ZNF639: variants seen among roughly 807,000 people sequenced by gnomAD.
ZNF639 encodes the protein zinc finger amplified in esophageal squamous cell carcinomas 1.
A neutral mutation model predicts 39.8 loss-of-function variants in ZNF639; 20 were observed. That is an observed-to-expected ratio of 0.50 (90% CI 0.35 to 0.73). The LOEUF (loss-of-function observed/expected upper bound fraction) is 0.73, where lower values mean the gene tolerates loss of function less well. Ranked by LOEUF, ZNF639 falls within the 30% of genes least tolerant of loss-of-function variation. The pLI, the probability that ZNF639 is intolerant of heterozygous loss-of-function variation, is 0.00. For missense variants in ZNF639, 477 were observed against 566.2 expected, an observed-to-expected ratio of 0.84 and a Z score of 1.60; for synonymous variants, 176 against 189.8, an observed-to-expected ratio of 0.93 and a Z score of 0.60.
intron 4 of ZNF639, among the ~76,000 whole-genome samples, chr3:179,331,425 C>T (rs973357356): frequency 2.0e-5 from 3 of 152,308 alleles, no homozygotes; most frequent in South Asian, 4.1e-4. Flanking sequence ...TAAGTCTGCA[C>T]TCCTTAAGCA....
intron 4 of ZNF639, among the ~76,000 whole-genome samples, chr3:179,330,716 A>G (rs185320365): frequency 0.029 from 4,220 of 146,364 alleles, 86 homozygotes; most frequent in Non-Finnish European, 0.049. Context: ...GTGTGGAAGA[A>G]AAGAACAGAG....
Position 179,335,801 on chromosome 3 carries a change from A to G in ZNF639, c.*1379A>G, listed in dbSNP as rs11928771. The G allele has an allele frequency of 9.6e-6, 1 of 104,218 alleles. No individual in the cohort carries two copies. Among genetic ancestry groups the G allele is most frequent in the Non-Finnish European group, 2.0e-5 (1 of 50,230 alleles). 6.5% of individuals were successfully genotyped at this position (104,218 alleles called of 1,614,324 possible). The stretch of plus-strand genomic sequence containing the variant: ...TTTTTTTTTTTTTTTTGCTTTTTTA[A>G]TTTTTTGAGACAGAATTTCACTCTT... On this transcript the variant is annotated 3_prime_UTR_variant, in exon 6 of 6. Transcript: ENST00000496856.
chr3:179,329,027 G>T (rs924454558), intron 3 of ZNF639, among the ~76,000 whole-genome samples: 8 of 152,196 alleles, frequency 5.3e-5, no homozygotes, highest in East Asian at 3.9e-4. Context: ...TTTCATTGAG[G>T]TTGGCTCTGC....
rs1466747770 is a variant in ZNF639, at chr3:179,329,703, A to G, written c.144A>G (p.Pro48=). The stretch of plus-strand genomic sequence containing the variant: ...ACAGTGTCTGTTCTATGAGACAGCC[A>G]GATTTAAAATATTTTGACAACAAAG... ...HCYSVCSMRQ[P]DLKYFDNKDD... The change falls in exon 4 of 6, where the codon CCA becomes CCG. Residue 48 remains proline, a synonymous_variant. Coordinates refer to ENST00000496856, the MANE Select transcript of ZNF639 (RefSeq NM_001303426.2). 3.7e-6 allele frequency: 6 copies of G among 1,600,902 alleles called. No individual in the cohort carries two copies. Among genetic ancestry groups the G allele is most frequent in the Non-Finnish European group, 5.1e-6 (6 of 1,173,034 alleles).
rs1218274860 is a variant in ZNF639 at position 179,336,571 on chromosome 3, AAC to A, written c.*2151_*2152del. 5.9e-5 allele frequency: 9 copies of A among 152,340 alleles called. 1 individual carries two copies. Among genetic ancestry groups the A allele is most frequent in the African/African-American group, 2.2e-4 (9 of 41,586 alleles). The allele number at this position is 152,340 out of a possible 1,614,324, so 9.4% of individuals were successfully genotyped here. A position where few individuals can be genotyped will look rare whatever the true frequency, so the allele number is the denominator to read the frequency against. ...TGTTTCTCAGAAGACTTAAAATTGT[AAC>A]AGTTTAAATTGTAAGATAACCTTAG... On this transcript the variant is annotated 3_prime_UTR_variant, in exon 6 of 6. Coordinates refer to ENST00000496856, the MANE Select transcript of ZNF639 (RefSeq NM_001303426.2).
At chr3:179,329,862 G>T in intron 4 of ZNF639, 134 bp downstream of exon 4, 6 of 376,562 alleles carry the variant, frequency 1.6e-5, no homozygotes, top group Non-Finnish European at 1.9e-5. Flanking sequence ...TACAATGTAA[G>T]AAAACAAAGT....
In ZNF639 at chr3:179,336,083, C is replaced by A. The variant is rs1711517744; in HGVS notation, c.*1661C>A. ...TGGGATTACAGGCATGAGGCACCGCCCCAGGCCAAATTTCTTGTTTTTATA... is the reference window on the plus strand; with the variant it reads ...TGGGATTACAGGCATGAGGCACCGCACCAGGCCAAATTTCTTGTTTTTATA... On this transcript the variant is annotated 3_prime_UTR_variant, in exon 6 of 6. Transcript: ENST00000496856. 1 of 152,082 alleles carries A rather than the reference C, an allele frequency of 6.6e-6. No individual in the cohort carries two copies. Among genetic ancestry groups the A allele is most frequent in the South Asian group, 2.1e-4 (1 of 4,824 alleles). The allele number at this position is 152,082 out of a possible 1,614,324, so 9.4% of individuals were successfully genotyped here.
chr3:179,322,953 C>A (rs1185982556), upstream of ZNF639: 63 of 985,050 alleles, frequency 6.4e-5, no homozygotes, highest in Non-Finnish European at 7.2e-5. Context: ...TCCCAGGCCG[C>A]GTGTGCGGTG....
Position 179,334,535 on chromosome 3 carries a change from T to G in ZNF639, c.*113T>G. 1 of 738,296 alleles carries G rather than the reference T, an allele frequency of 1.4e-6. No individual in the cohort carries two copies. The highest frequency in any genetic ancestry group is 2.0e-6 in the Non-Finnish European group (1 of 506,974). The allele number at this position is 738,296 out of a possible 1,614,324, so 45.7% of individuals were successfully genotyped here. A position where few individuals can be genotyped will look rare whatever the true frequency, so the allele number is the denominator to read the frequency against. ...ACTTATGAAATCTGCCTTTAACAAG[T>G]AACTTTTTTAAATTATAAAATTTTA... On this transcript the variant is annotated 3_prime_UTR_variant, in exon 6 of 6. Transcript: ENST00000496856.
rs886086045 is a variant in ZNF639, at chr3:179,337,896, TAG to T, written c.*3475_*3476del. Reference sequence around the variant, plus strand: ...AATTCTCCTGCCTCAGCCTCCCGAGTAGCTGGGATACAGGTGCCCACCACCAC... The same window carrying T: ...AATTCTCCTGCCTCAGCCTCCCGAGTCTGGGATACAGGTGCCCACCACCAC... On this transcript the variant is annotated 3_prime_UTR_variant, in exon 6 of 6. Transcript: ENST00000496856. 1.3e-5 allele frequency: 2 copies of T among 152,132 alleles called. No homozygotes were observed. Among genetic ancestry groups the T allele is most frequent in the Non-Finnish European group, 2.9e-5 (2 of 68,182 alleles). 9.4% of individuals were successfully genotyped at this position (152,132 alleles called of 1,614,324 possible).
rs1238159844 is a variant in ZNF639, at chr3:179,336,437, T to G, written c.*2015T>G. The G allele has an allele frequency of 6.6e-6, 1 of 152,262 alleles. No individual in the cohort carries two copies. Among genetic ancestry groups the G allele is most frequent in the African/African-American group, 2.4e-5 (1 of 41,470 alleles). The allele number at this position is 152,262 out of a possible 1,614,324, so 9.4% of individuals were successfully genotyped here. On this transcript the variant is annotated 3_prime_UTR_variant, in exon 6 of 6. Transcript: ENST00000496856. ...TGGACAATGGTGGCTGCAAGTATTC[T>G]TAGAAGGTATTATTTTTATCCCCAC...
At chr3:179,326,521 G>A (rs979787020) in intron 1 of ZNF639, among the ~76,000 whole-genome samples, 9 of 152,278 alleles carry the variant, frequency 5.9e-5, no homozygotes, top group East Asian at 1.9e-4. Context: ...CATCTCATAC[G>A]ATTACATAGG....
At position 179,323,213 on chromosome 3, in the gene ZNF639, C is replaced by A. The variant is rs1001326835; in HGVS notation, c.-161C>A. The A allele has an allele frequency of 5.5e-5, 54 of 984,882 alleles. No homozygotes were observed. The highest frequency in any genetic ancestry group is 1.9e-4 in the Admixed American group (3 of 16,202). The allele number at this position is 984,882 out of a possible 1,614,324, so 61.0% of individuals were successfully genotyped here. A position where few individuals can be genotyped will look rare whatever the true frequency, so the allele number is the denominator to read the frequency against. On this transcript the variant is annotated 5_prime_UTR_variant, in exon 1 of 6. Coordinates refer to ENST00000496856, the MANE Select transcript of ZNF639 (RefSeq NM_001303426.2). ...GCCGCCGTGCGTCCGCGGGAAGGACCGCGCGGCCCCTCCGCCTGCGCTCTC... is the reference window on the plus strand; with the variant it reads ...GCCGCCGTGCGTCCGCGGGAAGGACAGCGCGGCCCCTCCGCCTGCGCTCTC...
rs1161290327 is a variant in ZNF639 at position 179,333,116 on chromosome 3, T to G, written c.297T>G (p.Phe99Leu). The change falls in exon 5 of 6, where the codon TTT (phenylalanine) becomes TTG (leucine). Residue 99 changes from phenylalanine (F) to leucine (L), a missense_variant. By Grantham distance (22) the Phe-to-Leu change is conservative. Transcript: ENST00000496856. The part of the protein sequence containing the change: ...PVLRILDHTA[F>L]STEKSADIVI... ...TTAGAATTCTAGACCACACTGCCTT[T>G]TCTACAGGTTGGGGGAACTAATTTA... 1 of 1,600,456 alleles carries G rather than the reference T, an allele frequency of 6.2e-7. No homozygotes were observed. Among genetic ancestry groups the G allele is most frequent in the East Asian group, 2.2e-5 (1 of 44,728 alleles).
intron 1 of ZNF639, among the ~76,000 whole-genome samples, chr3:179,325,622 G>T (rs1052278013): frequency 2.0e-5 from 3 of 152,134 alleles, no homozygotes; most frequent in Non-Finnish European, 2.9e-5. Context: ...GGCCGGGCGC[G>T]GTGGCTCACG....
chr3:179,330,651 ATGT>A (rs1172005234), intron 4 of ZNF639, among the ~76,000 whole-genome samples: 1 of 152,212 alleles, frequency 6.6e-6, no homozygotes, highest in Non-Finnish European at 1.5e-5. Context: ...TGGAGTATTT[ATGT>A]TGAAAGGTTA....
chr3:179,337,775 A>C lies in ZNF639; in HGVS notation c.*3353A>C, dbSNP rs760344565. 1.3e-5 allele frequency: 2 copies of C among 150,570 alleles called. No individual in the cohort carries two copies. The highest frequency in any genetic ancestry group is 2.4e-5 in the African/African-American group (1 of 40,930). The allele number at this position is 150,570 out of a possible 1,614,324, so 9.3% of individuals were successfully genotyped here. A position where few individuals can be genotyped will look rare whatever the true frequency, so the allele number is the denominator to read the frequency against. On this transcript the variant is annotated 3_prime_UTR_variant, in exon 6 of 6. Coordinates refer to ENST00000496856, the MANE Select transcript of ZNF639 (RefSeq NM_001303426.2). ...TGCTTGAAGTAGTTGGTCTTTATTT[A>C]TTTATTTTTTGAGATGGAGCCTTGC...
intron 4 of ZNF639, among the ~76,000 whole-genome samples, chr3:179,331,610 T>C (rs6781837): frequency 0.26 from 39,322 of 151,712 alleles, 6,120 homozygotes; most frequent in African/African-American, 0.44. Context: ...ACCCTGTCTC[T>C]ACTAAAAATA....
chr3:179,336,667 G>A lies in ZNF639; in HGVS notation c.*2245G>A, dbSNP rs1711536143. ...GAAATAGAAATGTAGATAGCTATGA[G>A]GCCAAGTACATATAACCAGTTATGT... On this transcript the variant is annotated 3_prime_UTR_variant, in exon 6 of 6. Transcript: ENST00000496856. 1 of 152,200 alleles carries A rather than the reference G, an allele frequency of 6.6e-6. No individual in the cohort carries two copies. Among genetic ancestry groups the A allele is most frequent in the South Asian group, 2.1e-4 (1 of 4,828 alleles). 9.4% of individuals were successfully genotyped at this position (152,200 alleles called of 1,614,324 possible).
Sources: gnomAD v4.1 joint callset for allele counts (sites outside exome capture counted in the v4.1 genomes callset) on GRCh38, gnomAD v4.1.1 for gene constraint, MANE v1.5 for transcripts, NCBI Gene and HGNC (gene_info 2026-07-23, HGNC 2026-07-21) for gene names.